Variants in TBX5 observed in about 807,000 individuals in gnomAD.
TBX5 encodes T-box transcription factor 5, also known as T-box transcription factor TBX5.
TBX5 carries 8 observed loss-of-function variants against 51.1 expected under a neutral mutation model. That is an observed-to-expected ratio of 0.16 (90% CI 0.09 to 0.28). The LOEUF (loss-of-function observed/expected upper bound fraction) is 0.28. Among genes scored for constraint, TBX5 ranks in the 10% least tolerant of loss-of-function variants. TBX5 has a pLI of 1.00. For synonymous variants in TBX5, 302 were observed against 266.4 expected (o/e 1.13, Z -1.30); for missense variants, 589 against 671.7 (o/e 0.88, Z 1.36).
At chr12:114,383,987 G>A (rs903825463) in intron 7 of TBX5, among the ~76,000 whole-genome samples, 1 of 152,160 alleles carries the variant, frequency 6.6e-6, no homozygotes, top group African/African-American at 2.4e-5. Flanking sequence ...CAGAAAGTTG[G>A]CACTCTGAGC....
At chr12:114,389,753 CAAAAAAAAAAAAAAAA>C (rs55649814) in intron 6 of TBX5, among the ~76,000 whole-genome samples, 13 of 40,274 alleles carry the variant, frequency 3.2e-4, no homozygotes, top group South Asian at 1.6e-3. Context: ...GACTCCGTCT[CAAAAAAAAAAAAAAAA>C]AAAAAAAAAA....
At chr12:114,385,423 G>C in intron 7 of TBX5, 53 bp downstream of exon 7, 1 of 1,531,270 alleles carries the variant, frequency 6.5e-7, no homozygotes, top group Non-Finnish European at 9.1e-7. Context: ...GGCTTACCTG[G>C]GTAATTTGAG....
At chr12:114,383,827 T>C (rs138028741) in intron 7 of TBX5, among the ~76,000 whole-genome samples, 1 of 152,312 alleles carries the variant, frequency 6.6e-6, no homozygotes, top group Non-Finnish European at 1.5e-5. Flanking sequence ...TAAGAGATGA[T>C]GAAACCCTTT....
chr12:114,404,986 T>C (rs185831809), intron 1 of TBX5, among the ~76,000 whole-genome samples: 14 of 152,338 alleles, frequency 9.2e-5, no homozygotes, highest in Middle Eastern at 3.4e-3. Flanking sequence ...TCAAGCCCGA[T>C]GAGCCTGTCT....
chr12:114,398,488 G>A (rs1871559463), intron 5 of TBX5, 85 bp downstream of exon 5: 2 of 1,546,250 alleles, frequency 1.3e-6, no homozygotes, highest in Non-Finnish European at 1.8e-6. Flanking sequence ...GGCACACAGA[G>A]CCAAGAAGGG....
intron 8 of TBX5, among the ~76,000 whole-genome samples, chr12:114,360,709 G>A (rs185962229): frequency 6.6e-6 from 1 of 150,786 alleles, no homozygotes; most frequent in Non-Finnish European, 1.5e-5. Flanking sequence ...ATGGATGAAT[G>A]AGTGAGTGGG....
chr12:114,356,560 C>T (rs542431036), intron 8 of TBX5, among the ~76,000 whole-genome samples: 1 of 152,194 alleles, frequency 6.6e-6, no homozygotes, highest in Admixed American at 6.5e-5. Context: ...TGAGACCCCC[C>T]ATCTCAAAAA....
intron 8 of TBX5, among the ~76,000 whole-genome samples, chr12:114,363,559 C>T (rs2136370021): frequency 6.6e-6 from 1 of 152,288 alleles, no homozygotes; most frequent in Non-Finnish European, 1.5e-5. Context: ...TCTTAATCAG[C>T]ATGTTTGACC....
At chr12:114,373,369 AG>A (rs1870022087) in intron 7 of TBX5, among the ~76,000 whole-genome samples, 1 of 152,218 alleles carries the variant, frequency 6.6e-6, no homozygotes, top group South Asian at 2.1e-4. Flanking sequence ...TGCGGGTAAA[AG>A]CTAGATGTAA....
At chr12:114,401,681 C>A in intron 3 of TBX5, 145 bp downstream of exon 3, 1 of 728,266 alleles carries the variant, frequency 1.4e-6, no homozygotes, top group Admixed American at 2.1e-5. Flanking sequence ...CGCTCTCTCT[C>A]TCCTCTCCTC....
At position 114,358,273 on chromosome 12, in the gene TBX5, G is replaced by A. The variant is rs562656606; in HGVS notation, c.983-2167C>T. Among the ~76,000 whole-genome samples the A allele has an allele frequency of 1.5e-4, 23 of 152,290 alleles. No individual in the cohort carries two copies. The South Asian group carries it at 1.7e-3, about 11-fold the overall frequency. On this transcript the variant is annotated intron_variant, in intron 8 of 8. Transcript: ENST00000405440. ...GAGATAGAGTGGTGAACATGATCCCGTTTTTGGTGCATGTCCTCAATCCCA... is the reference window on the plus strand; with the variant it reads ...GAGATAGAGTGGTGAACATGATCCCATTTTTGGTGCATGTCCTCAATCCCA...
intron 8 of TBX5, among the ~76,000 whole-genome samples, chr12:114,361,230 G>T (rs1238968059): frequency 6.6e-6 from 1 of 152,180 alleles, no homozygotes. Context: ...AAAGACTGCT[G>T]CAGGGAACTG....
intron 2 of TBX5, among the ~76,000 whole-genome samples, chr12:114,402,219 G>C (rs1025758455): frequency 6.6e-6 from 1 of 152,068 alleles, no homozygotes; most frequent in African/African-American, 2.4e-5. Context: ...CCACCATCAG[G>C]GTGCTCCGGA....
intron 5 of TBX5, 71 bp downstream of exon 5, chr12:114,398,502 G>A: frequency 6.4e-7 from 1 of 1,570,842 alleles, no homozygotes. Context: ...AGAAGGGAGA[G>A]AAACCCAGTG....
In TBX5 at chr12:114,394,774, C is replaced by T. The variant is rs964920866; in HGVS notation, c.630G>A (p.Ala210=). The part of the protein sequence containing the change: ...AFCTHVFPET[A]FIAVTSYQNH... ...TCTGGTAGGAAGTCACTGCTATAAACGCAGTCTCAGGAAAGACGTGAGTGC... is the reference window on the plus strand; with the variant it reads ...TCTGGTAGGAAGTCACTGCTATAAATGCAGTCTCAGGAAAGACGTGAGTGC... Residue 210 remains alanine (A), a synonymous_variant, in exon 6 of 9, where the codon GCG becomes GCA. Coordinates refer to ENST00000405440, the MANE Select transcript of TBX5 (RefSeq NM_181486.4). 8 of 1,614,170 alleles carry T rather than the reference C, an allele frequency of 5.0e-6. No homozygotes were observed. Among genetic ancestry groups the T allele is most frequent in the African/African-American group, 2.7e-5 (2 of 75,044 alleles).
chr12:114,404,010 A>G, intron 1 of TBX5, 74 bp from the exon 2 acceptor site: 2 of 1,495,924 alleles, frequency 1.3e-6, no homozygotes, highest in South Asian at 2.4e-5. Flanking sequence ...GGAGAGCACA[A>G]TTCTAGTGAC....
At chr12:114,375,217 A>G (rs1870124417) in intron 7 of TBX5, among the ~76,000 whole-genome samples, 1 of 152,244 alleles carries the variant, frequency 6.6e-6, no homozygotes, top group African/African-American at 2.4e-5. Context: ...GTGCTCACTC[A>G]TTCTCTAGAA....
At chr12:114,366,757 T>C (rs1231753120) in intron 7 of TBX5, among the ~76,000 whole-genome samples, 2 of 152,232 alleles carry the variant, frequency 1.3e-5, no homozygotes, top group Non-Finnish European at 2.9e-5. Flanking sequence ...ATTTGAAAGC[T>C]AGTTAATCTG....
intron 7 of TBX5, among the ~76,000 whole-genome samples, chr12:114,373,408 G>A (rs570336600): frequency 1.3e-5 from 2 of 152,330 alleles, no homozygotes; most frequent in South Asian, 4.1e-4. Context: ...GACAATTCAA[G>A]CTAAACTTTG....
Sources: gnomAD v4.1 joint callset for allele counts (sites outside exome capture counted in the v4.1 genomes callset) on GRCh38, gnomAD v4.1.1 for gene constraint, MANE v1.5 for transcripts, NCBI Gene and HGNC (gene_info 2026-07-23, HGNC 2026-07-21) for gene names.